Variants in SULF1 observed in about 807,000 individuals in gnomAD.
The protein encoded by SULF1 is extracellular sulfatase Sulf-1.
Under a neutral mutation model 110.5 loss-of-function variants are expected in SULF1, and 46 were observed. That is an observed-to-expected ratio of 0.42 (90% confidence interval 0.33 to 0.53). The LOEUF is 0.53. Among genes scored for constraint, SULF1 ranks in the 20% least tolerant of loss-of-function variants. The pLI, the probability that SULF1 is intolerant of heterozygous loss-of-function variation, is 0.12. For synonymous variants in SULF1, 371 were observed against 387.1 expected, an observed-to-expected ratio of 0.96 and a Z score of 0.49; for missense variants, 941 against 1,094.2, an observed-to-expected ratio of 0.86 and a Z score of 1.98.
At chr8:69,603,403 A>C (rs956604527) in intron 11 of SULF1, 83 bp downstream of exon 11, 5 of 1,600,666 alleles carry the variant, frequency 3.1e-6, no homozygotes, top group African/African-American at 2.7e-5. Flanking sequence ...AGCTGAAGAC[A>C]TGGAGGCAGA....
At chr8:69,539,783 T>C (rs1038342727) in intron 3 of SULF1, among the ~76,000 whole-genome samples, 2 of 152,180 alleles carry the variant, frequency 1.3e-5, no homozygotes, top group African/African-American at 2.4e-5. Context: ...GTCTGAACTT[T>C]CTTAGGGTAT....
intron 8 of SULF1, among the ~76,000 whole-genome samples, chr8:69,591,391 A>G (rs1462366552): frequency 6.6e-6 from 1 of 151,714 alleles, no homozygotes; most frequent in African/African-American, 2.4e-5. Context: ...TGTCTCTACT[A>G]AAAATACAAA....
chr8:69,511,465 C>T (rs1811552275), intron 3 of SULF1, among the ~76,000 whole-genome samples: 3 of 152,214 alleles, frequency 2.0e-5, no homozygotes, highest in Non-Finnish European at 4.4e-5. Context: ...TCTGGTCTAG[C>T]ATCTCCCCTA....
intron 3 of SULF1, among the ~76,000 whole-genome samples, chr8:69,539,968 C>CAGA (rs919386156): frequency 4.6e-5 from 7 of 152,062 alleles, no homozygotes; most frequent in Non-Finnish European, 2.9e-5. Flanking sequence ...AGGGTAATTT[C>CAGA]AGGATTAACA....
intron 1 of SULF1, among the ~76,000 whole-genome samples, chr8:69,483,773 G>A (rs534230666): frequency 2.6e-5 from 4 of 152,098 alleles, no homozygotes; most frequent in African/African-American, 7.2e-5. Context: ...CTGGGCAACA[G>A]AGCAAGACCC....
chr8:69,640,367 C>T (rs1401932774), intron 21 of SULF1, among the ~76,000 whole-genome samples: 1 of 152,170 alleles, frequency 6.6e-6, no homozygotes, highest in Non-Finnish European at 1.5e-5. Flanking sequence ...TGAAATGACA[C>T]ACTGGGTGGA....
chr8:69,641,754 T>A lies in SULF1; in HGVS notation c.2585+913T>A, dbSNP rs1451352294. Among the ~76,000 whole-genome samples the A allele has an allele frequency of 4.0e-5, 6 of 151,608 alleles. No homozygotes were observed. In the East Asian group the frequency reaches 9.7e-4, roughly 24 times the overall value. On this transcript the variant is annotated intron_variant, in intron 22 of 22. Transcript: ENST00000402687. Reference sequence around the variant, plus strand: ...GAGAGACCCTGTCTCTAAAAATAAATAAATAAATAAAAAAATAAAGACACT... The same window carrying A: ...GAGAGACCCTGTCTCTAAAAATAAAAAAATAAATAAAAAAATAAAGACACT...
intron 22 of SULF1, among the ~76,000 whole-genome samples, chr8:69,645,797 A>G (rs1811863337): frequency 6.6e-6 from 1 of 152,202 alleles, no homozygotes; most frequent in African/African-American, 2.4e-5. Flanking sequence ...ACCAGGGCCT[A>G]TTTTATGGAG....
chr8:69,573,129 A>G (rs2150738754), intron 5 of SULF1, among the ~76,000 whole-genome samples: 1 of 152,268 alleles, frequency 6.6e-6, no homozygotes, highest in South Asian at 2.1e-4. Flanking sequence ...GCCCGGCCCG[A>G]GATTCGCATT....
chr8:69,481,801 CT>C (rs2150543240), intron 1 of SULF1, among the ~76,000 whole-genome samples: 1 of 152,286 alleles, frequency 6.6e-6, no homozygotes, highest in East Asian at 1.9e-4. Flanking sequence ...TGATCTCTTT[CT>C]TTTTTATATT....
chr8:69,629,382 A>C, intron 18 of SULF1, 122 bp from the exon 19 acceptor site: 4 of 1,002,130 alleles, frequency 4.0e-6, no homozygotes, highest in Non-Finnish European at 5.8e-6. Context: ...TACAAAATGA[A>C]GGTCGTCCAT....
intron 3 of SULF1, among the ~76,000 whole-genome samples, chr8:69,541,126 G>A (rs78529856): frequency 1.1e-3 from 172 of 152,208 alleles, no homozygotes; most frequent in Non-Finnish European, 2.1e-3. Flanking sequence ...GGAAGGTGGT[G>A]GGATTTACAG....
chr8:69,658,807 GA>G lies in SULF1; in HGVS notation c.*274del. 1 of 618,628 alleles carries G rather than the reference GA, an allele frequency of 1.6e-6. No individual in the cohort carries two copies. Among genetic ancestry groups the G allele is most frequent in the Non-Finnish European group, 3.0e-6 (1 of 331,374 alleles). 38.3% of individuals were successfully genotyped at this position (618,628 alleles called of 1,614,324 possible). ...GGAGATGGCCTCTGCTGACTCAGAT[GA>G]AGACCCAAGGCATAAGGTTGGGAAA... is the stretch of plus-strand genomic sequence containing the variant. On this transcript the variant is annotated 3_prime_UTR_variant, in exon 23 of 23. Transcript: ENST00000402687.
intron 13 of SULF1, among the ~76,000 whole-genome samples, chr8:69,612,938 G>A (rs1808777253): frequency 1.3e-5 from 2 of 152,116 alleles, no homozygotes; most frequent in Non-Finnish European, 2.9e-5. Flanking sequence ...CTAAGCCAAT[G>A]TCTAGAAGAG....
rs1302774262 is a variant in SULF1, at chr8:69,621,118, G to C, written c.1461G>C (p.Gln487His). The C allele has an allele frequency of 2.0e-5, 32 of 1,614,032 alleles. No homozygotes were observed. The highest frequency in any genetic ancestry group is 2.5e-5 in the Non-Finnish European group (30 of 1,180,018). Residue 487 changes from glutamine (Q) to histidine (H), a missense_variant, in exon 14 of 23, where the codon CAG (glutamine) becomes CAC (histidine). This residue lies in a region of SULF1 where 822 missense variants were observed against 934.3 expected (regional missense o/e 0.88). Coordinates refer to ENST00000402687, the MANE Select transcript of SULF1 (RefSeq NM_001128205.2). Reference sequence around the variant, plus strand: ...CCAGTGACCTGCTCACAGTCCGGCAGAGCACGCGGAACCTCTACGCTCGCG... The same window carrying C: ...CCAGTGACCTGCTCACAGTCCGGCACAGCACGCGGAACCTCTACGCTCGCG... ...KGPSDLLTVR[Q>H]STRNLYARGF...
chr8:69,641,091 A>C (rs1219884262), intron 22 of SULF1: 1 of 374,998 alleles, frequency 2.7e-6, no homozygotes, highest in East Asian at 3.9e-5. Context: ...TGCTTGTTGG[A>C]TGATGCTTTT....
intron 8 of SULF1, 36 bp downstream of exon 8, chr8:69,589,177 A>G (rs1806688836): frequency 6.3e-7 from 1 of 1,595,112 alleles, no homozygotes; most frequent in Non-Finnish European, 8.6e-7. Flanking sequence ...CCTGCCGAAC[A>G]TGCCTTTCCC....
intron 1 of SULF1, among the ~76,000 whole-genome samples, chr8:69,487,322 G>A (rs930920004): frequency 6.6e-6 from 1 of 152,158 alleles, no homozygotes; most frequent in Non-Finnish European, 1.5e-5. Flanking sequence ...ATAGAAATGA[G>A]CTGTCATTTT....
intron 6 of SULF1, among the ~76,000 whole-genome samples, chr8:69,579,160 CAA>C (rs1179542392): frequency 6.1e-4 from 32 of 52,728 alleles, no homozygotes; most frequent in African/African-American, 1.4e-3. Context: ...GACTCTGTCT[CAA>C]AAAAAAAAAA....
Sources: allele counts gnomAD v4.1 joint callset (sites outside exome capture counted in the v4.1 genomes callset), GRCh38; gene constraint gnomAD v4.1.1; regional missense constraint gnomAD v4.1.1; transcripts MANE v1.5; gene names NCBI Gene and HGNC (gene_info 2026-07-23, HGNC 2026-07-21).